Variants in KIAA0825 observed in about 807,000 individuals in gnomAD.
The protein encoded by KIAA0825 is KIAA0825, also known as uncharacterized protein KIAA0825.
In KIAA0825, 119 loss-of-function variants were observed where a neutral mutation model predicts 147.6. The observed-to-expected ratio is 0.81, with a 90% confidence interval of 0.69 to 0.94. The LOEUF is 0.94. KIAA0825 is among the 40% of genes least tolerant of loss of function. The probability of loss-of-function intolerance (pLI) is 0.00; values close to 1 mark genes in which losing one functional copy is unlikely to be tolerated. For synonymous variants in KIAA0825, 470 were observed against 518.1 expected, an observed-to-expected ratio of 0.91 and a Z score of 1.26; for missense variants, 1,381 against 1,472.7, an observed-to-expected ratio of 0.94 and a Z score of 1.02.
intron 20 of KIAA0825, among the ~76,000 whole-genome samples, chr5:94,265,706 C>T (rs1227443269): frequency 6.6e-6 from 1 of 152,108 alleles, no homozygotes; most frequent in Non-Finnish European, 1.5e-5. Context: ...GAGGCTGAGG[C>T]AGGAGAATTG....
chr5:94,362,806 C>T (rs1745261396), intron 20 of KIAA0825, among the ~76,000 whole-genome samples: 1 of 152,206 alleles, frequency 6.6e-6, no homozygotes, highest in African/African-American at 2.4e-5. Context: ...TCTATTTACT[C>T]AAAGTCTTGC....
At chr5:94,276,512 G>C (rs1277080217) in intron 20 of KIAA0825, among the ~76,000 whole-genome samples, 2 of 151,506 alleles carry the variant, frequency 1.3e-5, no homozygotes, top group African/African-American at 4.9e-5. Flanking sequence ...GACAAGCCTA[G>C]ATTAAAATCG....
At chr5:94,591,357 C>G (rs1784324923) in intron 1 of KIAA0825, among the ~76,000 whole-genome samples, 1 of 152,324 alleles carries the variant, frequency 6.6e-6, no homozygotes, top group East Asian at 1.9e-4. Flanking sequence ...GTGCAAGCCA[C>G]TACTTTGTAT....
At chr5:94,382,051 T>C (rs1748485295) in intron 20 of KIAA0825, among the ~76,000 whole-genome samples, 1 of 152,198 alleles carries the variant, frequency 6.6e-6, no homozygotes, top group Admixed American at 6.5e-5. Context: ...TAGAATGTAG[T>C]ATAGAGATAG....
intron 2 of KIAA0825, among the ~76,000 whole-genome samples, chr5:94,572,386 T>A (rs1780144287): frequency 1.3e-5 from 2 of 152,166 alleles, no homozygotes; most frequent in African/African-American, 4.8e-5. Context: ...CTGGAAAGGA[T>A]CTAAAAAAGA....
intron 1 of KIAA0825, among the ~76,000 whole-genome samples, chr5:94,609,896 C>CA (rs1561392305): frequency 6.6e-6 from 1 of 152,086 alleles, no homozygotes; most frequent in African/African-American, 2.4e-5. Flanking sequence ...AAATTCCTTC[C>CA]CAGTGAAAGC....
At chr5:94,384,844 A>C (rs2150527807) in intron 19 of KIAA0825, among the ~76,000 whole-genome samples, 1 of 152,296 alleles carries the variant, frequency 6.6e-6, no homozygotes, top group South Asian at 2.1e-4. Flanking sequence ...TCAGCAACCA[A>C]AAGTTTGATT....
At chr5:94,593,760 G>T in intron 1 of KIAA0825, 1 of 356,090 alleles carries the variant, frequency 2.8e-6, no homozygotes. Context: ...CTCAAGCATT[G>T]ACTTTTCTGC....
chr5:94,337,060 G>T (rs192788541), intron 20 of KIAA0825, among the ~76,000 whole-genome samples: 1 of 152,144 alleles, frequency 6.6e-6, no homozygotes, highest in East Asian at 1.9e-4. Flanking sequence ...GTATAAAATA[G>T]ATATCATATG....
At chr5:94,236,925 G>GT (rs1439747359) in intron 20 of KIAA0825, among the ~76,000 whole-genome samples, 5 of 152,068 alleles carry the variant, frequency 3.3e-5, no homozygotes, top group Non-Finnish European at 5.9e-5. Flanking sequence ...TAGTGTAAAC[G>GT]TAAGTGTTAT....
chr5:94,387,006 C>T (rs1021225461), intron 18 of KIAA0825, among the ~76,000 whole-genome samples: 36 of 152,094 alleles, frequency 2.4e-4, no homozygotes, highest in Admixed American at 1.5e-3. Context: ...AAAAAAAAAG[C>T]CAATCTACAA....
intron 20 of KIAA0825, among the ~76,000 whole-genome samples, chr5:94,343,659 A>G (rs993731581): frequency 6.6e-6 from 1 of 152,226 alleles, no homozygotes; most frequent in Admixed American, 6.5e-5. Context: ...ACTGCACTCT[A>G]GCCTGGGCAA....
intron 15 of KIAA0825, chr5:94,415,746 G>T (rs1753375465): frequency 6.6e-6 from 1 of 152,136 alleles, no homozygotes; most frequent in South Asian, 2.1e-4. Context: ...GTAGGGGAGG[G>T]TTTGCTCACT....
In KIAA0825 at chr5:94,351,773, A is replaced by G. The variant is rs1272238831; in HGVS notation, c.3710+32595T>C. Among the ~76,000 whole-genome samples, 3 of 152,184 alleles carry G rather than the reference A, an allele frequency of 2.0e-5. No homozygotes were observed. The East Asian group carries it at 5.8e-4, about 29-fold the overall frequency. Reference sequence around the variant, plus strand: ...CCCAATGGAACAGAATAAATAACCCAGAAATAAAGCCAACTGATTTTCGAC... The same window carrying G: ...CCCAATGGAACAGAATAAATAACCCGGAAATAAAGCCAACTGATTTTCGAC... On this transcript the variant is annotated intron_variant, in intron 20 of 20. Coordinates refer to ENST00000682413, the MANE Select transcript of KIAA0825 (RefSeq NM_001145678.3).
At chr5:94,363,982 C>T (rs1745441272) in intron 20 of KIAA0825, among the ~76,000 whole-genome samples, 1 of 151,972 alleles carries the variant, frequency 6.6e-6, no homozygotes. Flanking sequence ...TAAATTTAGA[C>T]TGACAGCCAA....
chr5:94,347,876 C>T (rs1783194035), intron 20 of KIAA0825, among the ~76,000 whole-genome samples: 1 of 152,024 alleles, frequency 6.6e-6, no homozygotes, highest in East Asian at 1.9e-4. Flanking sequence ...AAGCCCAGTG[C>T]AAGGAAATCC....
chr5:94,403,444 T>C, intron 16 of KIAA0825, 125 bp downstream of exon 16: 3 of 678,332 alleles, frequency 4.4e-6, no homozygotes, highest in Non-Finnish European at 7.4e-6. Context: ...GTCGCACATC[T>C]ACTTAATGGA....
intron 20 of KIAA0825, among the ~76,000 whole-genome samples, chr5:94,374,463 G>A (rs1302323840): frequency 1.3e-5 from 2 of 152,058 alleles, no homozygotes; most frequent in East Asian, 3.9e-4. Context: ...TCTTTGCTGT[G>A]GTAGCCACAG....
intron 20 of KIAA0825, among the ~76,000 whole-genome samples, chr5:94,322,956 G>T (rs1780334996): frequency 6.6e-6 from 1 of 151,508 alleles, no homozygotes; most frequent in African/African-American, 2.4e-5. Context: ...TTAAGCTCCT[G>T]ATTTCTTGGG....
Sources: allele counts gnomAD v4.1 joint callset (sites outside exome capture counted in the v4.1 genomes callset), GRCh38; gene constraint gnomAD v4.1.1; transcripts MANE v1.5; gene names NCBI Gene and HGNC (gene_info 2026-07-23, HGNC 2026-07-21).